The following HSF2 variants were observed in gnomAD, a reference collection of about 807,000 sequenced individuals.
HSF2 encodes heat shock transcription factor 2.
In HSF2, 21 loss-of-function variants were observed where a neutral mutation model predicts 65.0. That is an observed-to-expected ratio of 0.32 (90% confidence interval 0.23 to 0.47). The LOEUF (loss-of-function observed/expected upper bound fraction) is 0.47, where lower values mean the gene tolerates loss of function less well. Ranked by LOEUF, HSF2 falls within the 20% of genes least tolerant of loss-of-function variation. The pLI is 1.00. For synonymous variants in HSF2, 225 were observed against 219.1 expected (o/e 1.03, Z -0.24); for missense variants, 499 against 628.1 (o/e 0.79, Z 2.20).
Position 122,419,757 on chromosome 6 carries a change from G to GA in HSF2, c.594-373dup, listed in dbSNP as rs2114444190. Among the ~76,000 whole-genome samples the GA allele has an allele frequency of 1.3e-5, 2 of 152,202 alleles. 1 individual carries two copies. The highest frequency in any genetic ancestry group is 4.2e-4 in the South Asian group (2 of 4,818). On this transcript the variant is annotated intron_variant, in intron 6 of 12. Transcript: ENST00000368455. ...AATGATCTGTAACACTAAGATTTGG[G>GA]AAAAACTTGATTATGATCAGAGCTT...
chr6:122,420,987 C>G (rs1329766898), intron 7 of HSF2, among the ~76,000 whole-genome samples: 1 of 151,750 alleles, frequency 6.6e-6, no homozygotes, highest in Non-Finnish European at 1.5e-5. Context: ...TTTGGGATTA[C>G]AGGCATGAGC....
intron 1 of HSF2, among the ~76,000 whole-genome samples, chr6:122,408,044 C>A (rs1040784172): frequency 6.6e-6 from 1 of 152,040 alleles, no homozygotes; most frequent in Non-Finnish European, 1.5e-5. Context: ...GGGGTCCTAT[C>A]TTCATTACCT....
intron 7 of HSF2, among the ~76,000 whole-genome samples, chr6:122,420,737 G>A (rs776303973): frequency 1.2e-5 from 1 of 84,692 alleles, no homozygotes; most frequent in African/African-American, 4.4e-5. Context: ...TTTGAGATGG[G>A]ATTTCACTCT....
chr6:122,428,467 T>C (rs1582621165), intron 11 of HSF2, among the ~76,000 whole-genome samples: 1 of 151,990 alleles, frequency 6.6e-6, no homozygotes, highest in African/African-American at 2.4e-5. Flanking sequence ...ATATAGGAAC[T>C]GCACTTGGGC....
rs114596616 is a variant in HSF2, at chr6:122,412,781, G to A, written c.330+17G>A. 816 of 1,611,262 alleles carry A rather than the reference G, an allele frequency of 5.1e-4. 5 individuals carry two copies. In the African/African-American group the frequency reaches 9.5e-3, roughly 19 times the overall value. On this transcript the variant is annotated intron_variant, in intron 3 of 12. Coordinates refer to ENST00000368455, the MANE Select transcript of HSF2 (RefSeq NM_004506.4). Reference sequence around the variant, plus strand: ...AAAAGGAAGGTGAGCTATTGTGAACGTGAGCTAATTAGGGTATTGACCTGG... The same window carrying A: ...AAAAGGAAGGTGAGCTATTGTGAACATGAGCTAATTAGGGTATTGACCTGG...
Position 122,432,024 on chromosome 6 carries a change from A to G in HSF2, c.1415A>G (p.Glu472Gly). Residue 472 changes from glutamate (E) to glycine (G), a missense_variant, in exon 13 of 13, where the codon GAA becomes GGA. Coordinates refer to ENST00000368455, the MANE Select transcript of HSF2 (RefSeq NM_004506.4). Reference sequence around the variant, plus strand: ...CAGGCGAGTACAACAGCATCATCAGAAGTTTTGTCCTCTGTAGATAAACCC... The same window carrying G: ...CAGGCGAGTACAACAGCATCATCAGGAGTTTTGTCCTCTGTAGATAAACCC... ...VEQASTTASS[E>G]VLSSVDKPIE... 1 of 1,614,006 alleles carries G rather than the reference A, an allele frequency of 6.2e-7. No homozygotes were observed. The highest frequency in any genetic ancestry group is 8.5e-7 in the Non-Finnish European group (1 of 1,179,922).
intron 4 of HSF2, 40 bp from the exon 5 acceptor site, chr6:122,416,181 A>G (rs753391592): frequency 5.0e-6 from 6 of 1,198,354 alleles, no homozygotes; most frequent in Non-Finnish European, 7.2e-6. Flanking sequence ...TTTTTGATTG[A>G]TTTTTTTTTT....
At chr6:122,418,532 T>C (rs1290459437) in intron 5 of HSF2, among the ~76,000 whole-genome samples, 2 of 152,218 alleles carry the variant, frequency 1.3e-5, no homozygotes, top group African/African-American at 4.8e-5. Flanking sequence ...TATTAAAGAT[T>C]AGCTTCCCTT....
intron 1 of HSF2, among the ~76,000 whole-genome samples, chr6:122,402,677 C>T (rs12525199): frequency 5.3e-5 from 8 of 151,702 alleles, no homozygotes; most frequent in Admixed American, 3.9e-4. Context: ...CTCAGCGTCT[C>T]GAGTAGTTGT....
At chr6:122,428,041 C>A in intron 11 of HSF2, 85 bp downstream of exon 11, 1 of 770,364 alleles carries the variant, frequency 1.3e-6, no homozygotes, top group Non-Finnish European at 2.1e-6. Flanking sequence ...ATGTCACTCC[C>A]AGCCACAAAA....
Position 122,412,661 on chromosome 6 carries a change from T to C in HSF2, c.227T>C (p.Ile76Thr), listed in dbSNP as rs1774027276. ...GATGGTTTCCGTAAAGTAGTACATATCGACTCTGGAATTGTAAAGCAAGAA... is the reference window on the plus strand; with the variant it reads ...GATGGTTTCCGTAAAGTAGTACATACCGACTCTGGAATTGTAAAGCAAGAA... ...NMYGFRKVVH[I>T]DSGIVKQERD... The change falls in exon 3 of 13, where the codon ATC becomes ACC. Residue 76 changes from isoleucine to threonine, a missense_variant. Coordinates refer to ENST00000368455, the MANE Select transcript of HSF2 (RefSeq NM_004506.4). 7 of 1,612,418 alleles carry C rather than the reference T, an allele frequency of 4.3e-6. No individual in the cohort carries two copies. Among genetic ancestry groups the C allele is most frequent in the Non-Finnish European group, 5.1e-6 (6 of 1,178,730 alleles).
intron 11 of HSF2, among the ~76,000 whole-genome samples, chr6:122,429,229 C>T (rs1201513880): frequency 1.3e-5 from 2 of 151,988 alleles, no homozygotes; most frequent in African/African-American, 4.8e-5. Flanking sequence ...TGAATGGACC[C>T]ATATCATTTG....
At chr6:122,401,381 C>T (rs1300975090) in intron 1 of HSF2, among the ~76,000 whole-genome samples, 1 of 152,202 alleles carries the variant, frequency 6.6e-6, no homozygotes, top group Non-Finnish European at 1.5e-5. Context: ...TCTCTCCCCA[C>T]GAAAGCTGAC....
intron 10 of HSF2, 142 bp from the exon 11 acceptor site, chr6:122,427,761 C>G (rs1417767639): frequency 6.8e-6 from 3 of 444,314 alleles, no homozygotes; most frequent in Non-Finnish European, 1.2e-5. Context: ...CTGCTTTTCT[C>G]TTTCAAACTT....
At chr6:122,404,642 C>T (rs540045761) in intron 1 of HSF2, among the ~76,000 whole-genome samples, 1 of 152,270 alleles carries the variant, frequency 6.6e-6, no homozygotes, top group East Asian at 1.9e-4. Context: ...TGGACTCTTG[C>T]CAACATTTGT....
intron 10 of HSF2, 128 bp downstream of exon 10, chr6:122,423,814 TTTTG>T (rs949633776): frequency 1.0e-5 from 5 of 496,696 alleles, no homozygotes; most frequent in Non-Finnish European, 1.8e-5. Context: ...AAATTAATAA[TTTTG>T]TTTATCAGAA....
At chr6:122,412,885 G>A in intron 3 of HSF2, 121 bp downstream of exon 3, 2 of 911,358 alleles carry the variant, frequency 2.2e-6, no homozygotes, top group Non-Finnish European at 3.2e-6. Flanking sequence ...GATGAATTAG[G>A]ATAATAAAGT....
chr6:122,408,267 T>A (rs1773911900), intron 1 of HSF2, among the ~76,000 whole-genome samples: 1 of 151,988 alleles, frequency 6.6e-6, no homozygotes, highest in Admixed American at 6.6e-5. Context: ...GGGTAATCTA[T>A]CCTTCAGGAG....
chr6:122,410,550 C>G lies in HSF2; in HGVS notation c.94-1823C>G, dbSNP rs116586984. ...ATCTTTCCACACTGAAACTTTATAC[C>G]CATTTCACAATAACTTCTAACTCCT... On this transcript the variant is annotated intron_variant, in intron 1 of 12. Transcript: ENST00000368455. 2.6e-3 allele frequency among the ~76,000 whole-genome samples: 397 copies of G among 151,870 alleles called. 4 individuals carry two copies. Among genetic ancestry groups the G allele is most frequent in the African/African-American group, 9.0e-3 (375 of 41,492 alleles).
Sources: gnomAD v4.1 joint callset for allele counts (sites outside exome capture counted in the v4.1 genomes callset) on GRCh38, gnomAD v4.1.1 for gene constraint, MANE v1.5 for transcripts, NCBI Gene and HGNC (gene_info 2026-07-23, HGNC 2026-07-21) for gene names.